Variants in HSH2D observed in about 807,000 individuals in gnomAD.
The protein encoded by HSH2D is hematopoietic SH2 domain-containing protein.
A neutral mutation model predicts 21.5 loss-of-function variants in HSH2D; 16 were observed. The observed-to-expected ratio is 0.74, with a 90% CI of 0.50 to 1.13. The LOEUF is 1.13. Ranked by LOEUF, HSH2D falls within the 50% of genes most tolerant of loss-of-function variation. The pLI is 0.00. For missense variants in HSH2D, 418 were observed against 441.4 expected, an observed-to-expected ratio of 0.95 and a Z score of 0.47; for synonymous variants, 172 against 184.7, an observed-to-expected ratio of 0.93 and a Z score of 0.56.
chr19:16,155,909 A>G (rs2032335949), intron 5 of HSH2D: 1 of 152,740 alleles, frequency 6.5e-6, no homozygotes, highest in African/African-American at 2.4e-5. Context: ...CCTGGCCGGA[A>G]CTGGTGGTTT....
At chr19:16,154,321 T>C (rs1249657377) in intron 4 of HSH2D, 78 bp from the exon 5 acceptor site, 8 of 942,708 alleles carry the variant, frequency 8.5e-6, no homozygotes, top group Non-Finnish European at 1.3e-5. Context: ...GGATGGTCCC[T>C]GAGACCTGCC....
upstream of HSH2D, among the ~76,000 whole-genome samples, chr19:16,138,878 A>T (rs1220929081): frequency 6.7e-6 from 1 of 149,456 alleles, no homozygotes; most frequent in Non-Finnish European, 1.5e-5. Flanking sequence ...TTTTTTTTTG[A>T]GACACAGTCT....
At chr19:16,148,941 G>A (rs1568330090) in intron 2 of HSH2D, 66 bp downstream of exon 2, 1 of 1,506,794 alleles carries the variant, frequency 6.6e-7, no homozygotes, top group South Asian at 1.3e-5. Context: ...CCTACCCTGG[G>A]CAGCTTTTAA....
chr19:16,156,366 T>A (rs975581079), intron 5 of HSH2D, among the ~76,000 whole-genome samples: 1 of 151,256 alleles, frequency 6.6e-6, no homozygotes, highest in East Asian at 2.0e-4. Context: ...AAAAGATTTG[T>A]AGAGATGGGG....
At chr19:16,134,959 TAAA>T (rs992110141) in intron 1 of HSH2D, among the ~76,000 whole-genome samples, 48 of 117,494 alleles carry the variant, frequency 4.1e-4, no homozygotes, top group Non-Finnish European at 6.8e-4. Context: ...ACCCCATCTC[TAAA>T]AAAAAAAAAA....
At position 16,157,230 on chromosome 19, in the gene HSH2D, G is replaced by A. The variant is rs2091247708; in HGVS notation, c.495G>A (p.Leu165=). ...APEEASPKPV[L]CHQSKERKPS... The stretch of plus-strand genomic sequence containing the variant: ...TTCAGGCCTCCCCAAAGCCAGTCCT[G>A]TGTCACCAATCAAAGGAAAGGAAGC... Residue 165 remains leucine (L), a synonymous_variant, in exon 6 of 6, where the codon CTG becomes CTA. Transcript: ENST00000613986. The surrounding 1 kb of genome is among the most constrained non-coding windows in gnomAD (Gnocchi z 4.4). The A allele has an allele frequency of 6.4e-7, 1 of 1,558,542 alleles. No homozygotes were observed. The highest frequency in any genetic ancestry group is 2.0e-5 in the Admixed American group (1 of 50,556).
At chr19:16,138,674 T>C (rs954598753) in intron 1 of HSH2D, among the ~76,000 whole-genome samples, 1 of 152,066 alleles carries the variant, frequency 6.6e-6, no homozygotes, top group African/African-American at 2.4e-5. Context: ...GCCAGGCTGG[T>C]CTCGATCCCT....
intron 3 of HSH2D, 86 bp from the exon 4 acceptor site, chr19:16,152,957 C>A: frequency 6.8e-7 from 1 of 1,474,624 alleles, no homozygotes; most frequent in Non-Finnish European, 9.3e-7. Flanking sequence ...CTGGCTGTAG[C>A]AGTGACGCTG....
At chr19:16,153,349 G>A in intron 4 of HSH2D, 141 bp downstream of exon 4, 1 of 795,690 alleles carries the variant, frequency 1.3e-6, no homozygotes, top group South Asian at 2.0e-5. Flanking sequence ...CACCCCAGTA[G>A]TCCCTCTGCC....
At chr19:16,144,158 T>G (rs1004100942) in intron 1 of HSH2D, among the ~76,000 whole-genome samples, 24 of 151,974 alleles carry the variant, frequency 1.6e-4, no homozygotes, top group Middle Eastern at 3.4e-3. Flanking sequence ...CCTTGCACCC[T>G]CCTCTGTGCC....
rs576083366 is a variant in HSH2D at position 16,144,837 on chromosome 19, C to T, written c.-28+1063C>T. On this transcript the variant is annotated intron_variant, in intron 1 of 5. Transcript: ENST00000613986. ...CCTCCCAAGTAGCTGAGACTACAGGCGCCCGCCACCACACCCAGCTAATTT... is the reference window on the plus strand; with the variant it reads ...CCTCCCAAGTAGCTGAGACTACAGGTGCCCGCCACCACACCCAGCTAATTT... Among the ~76,000 whole-genome samples the T allele has an allele frequency of 2.8e-4, 42 of 150,152 alleles. No individual in the cohort carries two copies. In the South Asian group the frequency reaches 7.6e-3, roughly 27 times the overall value.
chr19:16,144,630 G>T lies in HSH2D; in HGVS notation c.-28+856G>T, dbSNP rs372391955. Among the ~76,000 whole-genome samples the T allele has an allele frequency of 3.0e-3, 449 of 151,588 alleles. 3 individuals carry two copies. Among genetic ancestry groups the T allele is most frequent in the Middle Eastern group, 0.01 (3 of 288 alleles). On this transcript the variant is annotated intron_variant, in intron 1 of 5. Coordinates refer to ENST00000613986, the MANE Select transcript of HSH2D (RefSeq NM_001382417.1). ...AGTGACTTATCTGAGGTCACACAGC[G>T]GCTAAGTGGGCGAGCTAGGGTTTGA... is the stretch of plus-strand genomic sequence containing the variant.
chr19:16,144,715 C>T (rs1350810212), intron 1 of HSH2D, among the ~76,000 whole-genome samples: 218 of 102,666 alleles, frequency 2.1e-3, no homozygotes, highest in African/African-American at 6.4e-3. Flanking sequence ...TTTTTTGAGA[C>T]GGAGTCTTGC....
At chr19:16,156,097 T>C (rs921336801) in intron 5 of HSH2D, among the ~76,000 whole-genome samples, 3 of 151,990 alleles carry the variant, frequency 2.0e-5, no homozygotes, top group Non-Finnish European at 4.4e-5. Flanking sequence ...CTCACACCTG[T>C]ATTCCCAGTG....
chr19:16,147,069 A>G (rs1262666005), intron 1 of HSH2D, among the ~76,000 whole-genome samples: 1 of 151,976 alleles, frequency 6.6e-6, no homozygotes, highest in Non-Finnish European at 1.5e-5. Flanking sequence ...CAGGTGATCC[A>G]CCTGCCTCAG....
upstream of HSH2D, among the ~76,000 whole-genome samples, chr19:16,139,087 A>C (rs1239026460): frequency 6.6e-6 from 1 of 152,024 alleles, no homozygotes; most frequent in Admixed American, 6.6e-5. Flanking sequence ...TGAACTCCTG[A>C]CCTCAGGTGA....
At chr19:16,148,476 G>T (rs2091102266) in intron 1 of HSH2D, among the ~76,000 whole-genome samples, 1 of 152,052 alleles carries the variant, frequency 6.6e-6, no homozygotes. Flanking sequence ...GTAGAGATGG[G>T]GGTCTCACTA....
At chr19:16,148,198 G>C (rs937641381) in intron 1 of HSH2D, among the ~76,000 whole-genome samples, 10 of 151,946 alleles carry the variant, frequency 6.6e-5, no homozygotes, top group Non-Finnish European at 1.5e-4. Flanking sequence ...GCCCAGGCTG[G>C]AGCACAGTGG....
intron 1 of HSH2D, among the ~76,000 whole-genome samples, chr19:16,146,635 G>A (rs1451317681): frequency 6.6e-6 from 1 of 151,952 alleles, no homozygotes; most frequent in East Asian, 1.9e-4. Flanking sequence ...CATGAGCTGT[G>A]ATTGCACCAT....
Sources: gnomAD v4.1 joint callset for allele counts (sites outside exome capture counted in the v4.1 genomes callset) on GRCh38, gnomAD v4.1.1 for gene constraint, Gnocchi (gnomAD v3.1) non-coding constraint, MANE v1.5 for transcripts, NCBI Gene and HGNC (gene_info 2026-07-23, HGNC 2026-07-21) for gene names.